TAFA5: variants seen among roughly 807,000 people sequenced by gnomAD.
TAFA5 encodes the protein chemokine-like protein TAFA-5.
TAFA5 carries 6 observed loss-of-function variants against 15.3 expected under a neutral mutation model. The observed-to-expected ratio is 0.39, with a 90% CI of 0.21 to 0.77. The LOEUF (loss-of-function observed/expected upper bound fraction) is 0.77, where lower values mean the gene tolerates loss of function less well. TAFA5 is among the 30% of genes least tolerant of loss of function. TAFA5 has a pLI of 0.41. For synonymous variants in TAFA5, 103 were observed against 80.7 expected, an observed-to-expected ratio of 1.28 and a Z score of -1.48; for missense variants, 161 against 193.1, an observed-to-expected ratio of 0.83 and a Z score of 0.98.
chr22:48,492,812 G>T (rs1431307104), intron 1 of TAFA5, among the ~76,000 whole-genome samples: 12 of 152,228 alleles, frequency 7.9e-5, no homozygotes, highest in Admixed American at 7.9e-4. Context: ...CTTGCATGAT[G>T]ATGAGCTTTG....
intron 3 of TAFA5, among the ~76,000 whole-genome samples, chr22:48,743,078 C>A (rs1569102349): frequency 6.6e-6 from 1 of 152,184 alleles, no homozygotes; most frequent in Non-Finnish European, 1.5e-5. Context: ...GAACAAAATG[C>A]CACACACCCG....
At chr22:48,683,004 T>C (rs1928242916) in intron 2 of TAFA5, among the ~76,000 whole-genome samples, 1 of 152,204 alleles carries the variant, frequency 6.6e-6, no homozygotes, top group African/African-American at 2.4e-5. Context: ...ATGTACTCTA[T>C]TGCATCTTTC....
At chr22:48,740,091 T>G (rs1221402026) in intron 3 of TAFA5, among the ~76,000 whole-genome samples, 3 of 152,144 alleles carry the variant, frequency 2.0e-5, no homozygotes, top group Non-Finnish European at 4.4e-5. Context: ...GGCTTGTCCT[T>G]AATTAGCACA....
At chr22:48,678,761 TAAAA>T (rs58165740) in intron 2 of TAFA5, among the ~76,000 whole-genome samples, 3 of 148,006 alleles carry the variant, frequency 2.0e-5, no homozygotes, top group African/African-American at 7.4e-5. Context: ...AAAACAAAGT[TAAAA>T]AAAAAAAATG....
chr22:48,685,540 A>T (rs1928325865), intron 2 of TAFA5, among the ~76,000 whole-genome samples: 2 of 152,104 alleles, frequency 1.3e-5, no homozygotes, highest in South Asian at 2.1e-4. Context: ...TATTGCCACA[A>T]ATTATCCATG....
intron 3 of TAFA5, among the ~76,000 whole-genome samples, chr22:48,741,990 TTTG>T (rs1423090957): frequency 1.3e-5 from 2 of 152,220 alleles, no homozygotes; most frequent in Non-Finnish European, 2.9e-5. Flanking sequence ...TAAACAGTTT[TTTG>T]TTAAGAACCC....
At chr22:48,679,742 TGGCTCCCCAGCTCCCCGTCCATCCCTCTC>T in intron 2 of TAFA5, among the ~76,000 whole-genome samples, 1 of 54,540 alleles carries the variant, frequency 1.8e-5, no homozygotes, top group African/African-American at 9.1e-5. Context: ...ATCCCTCTCC[TGGCTCCCCAGCTCCCCGTCCATCCCTCTC>T]CCGGCTCCCT....
chr22:48,493,840 T>C (rs562480172), intron 1 of TAFA5, among the ~76,000 whole-genome samples: 1 of 152,326 alleles, frequency 6.6e-6, no homozygotes, highest in Non-Finnish European at 1.5e-5. Flanking sequence ...GGGAAGGGAC[T>C]TCCCAGCGGC....
intron 3 of TAFA5, among the ~76,000 whole-genome samples, chr22:48,749,361 CAGGGG>C (rs958763269): frequency 3.3e-5 from 5 of 152,156 alleles, no homozygotes; most frequent in Non-Finnish European, 7.4e-5. Flanking sequence ...CGTGGATGGC[CAGGGG>C]AGGGTGGCTC....
Position 48,630,923 on chromosome 22 carries a change from C to T in TAFA5, c.113-15674C>T, listed in dbSNP as rs549324390. On this transcript the variant is annotated intron_variant, in intron 1 of 3. Transcript: ENST00000402357. The stretch of plus-strand genomic sequence containing the variant: ...CAGGGGCACCTGCATGGGGGGAGCC[C>T]GGCGTGCGTGCTGGCTCTGGGATGC... 5.8e-4 allele frequency among the ~76,000 whole-genome samples: 89 copies of T among 152,148 alleles called. No homozygotes were observed. The Middle Eastern group carries it at 0.01, about 17-fold the overall frequency.
rs1255071455 is a variant in TAFA5, at chr22:48,560,484, G to A, written c.112+70780G>A. Among the ~76,000 whole-genome samples, 4 of 152,224 alleles carry A rather than the reference G, an allele frequency of 2.6e-5. No individual in the cohort carries two copies. The highest frequency in any genetic ancestry group is 9.7e-5 in the African/African-American group (4 of 41,448). ...AGGACAGTGCCAGCAGGCGCCCCCA[G>A]TGTGAACTAATGTGAGGTGCTTTCA... On this transcript the variant is annotated intron_variant, in intron 1 of 3. Transcript: ENST00000402357. This position sits in a 1 kb window ranked among gnomAD's most constrained non-coding sequence, Gnocchi z 4.2.
At chr22:48,684,921 A>G (rs1449934290) in intron 2 of TAFA5, among the ~76,000 whole-genome samples, 2 of 152,212 alleles carry the variant, frequency 1.3e-5, no homozygotes, top group African/African-American at 4.8e-5. Flanking sequence ...ACTCTGTAAA[A>G]TATTTAAGGA....
At chr22:48,558,656 C>T (rs958725576) in intron 1 of TAFA5, among the ~76,000 whole-genome samples, 1 of 152,194 alleles carries the variant, frequency 6.6e-6, no homozygotes, top group Admixed American at 6.5e-5. Context: ...CAGTATCTTC[C>T]GGGCGTGGCC....
chr22:48,688,981 G>A (rs1418278883), intron 2 of TAFA5, among the ~76,000 whole-genome samples: 1 of 120,750 alleles, frequency 8.3e-6, no homozygotes, highest in Non-Finnish European at 1.6e-5. Context: ...GACAGAGCAA[G>A]ACTTGTCTCG....
chr22:48,507,384 G>C (rs1921037305), intron 1 of TAFA5, among the ~76,000 whole-genome samples: 1 of 152,204 alleles, frequency 6.6e-6, no homozygotes, highest in Non-Finnish European at 1.5e-5. Context: ...TTGAAGCCCT[G>C]GTCCTTCCAG....
intron 1 of TAFA5, among the ~76,000 whole-genome samples, chr22:48,620,673 C>CACCAT (rs1311364048): frequency 7.2e-6 from 1 of 139,730 alleles, no homozygotes; most frequent in Non-Finnish European, 1.6e-5. Context: ...ATCCACCACC[C>CACCAT]CCACATCCAT....
At chr22:48,658,170 G>A (rs914456868) in intron 2 of TAFA5, among the ~76,000 whole-genome samples, 2 of 151,016 alleles carry the variant, frequency 1.3e-5, no homozygotes, top group Non-Finnish European at 3.0e-5. Flanking sequence ...CCTGATGCCA[G>A]AGGACCTTGA....
intron 3 of TAFA5, among the ~76,000 whole-genome samples, chr22:48,730,409 G>C (rs962057743): frequency 3.3e-5 from 5 of 151,946 alleles, no homozygotes; most frequent in Non-Finnish European, 5.9e-5. Context: ...AGAAAGAAAA[G>C]GCCACATGCA....
intron 3 of TAFA5, among the ~76,000 whole-genome samples, chr22:48,748,540 G>A (rs1569104518): frequency 6.6e-6 from 1 of 152,238 alleles, no homozygotes; most frequent in Non-Finnish European, 1.5e-5. Flanking sequence ...TGTCTCAAAG[G>A]TGTGCCATGG....
Sources: gnomAD v4.1 joint callset for allele counts (sites outside exome capture counted in the v4.1 genomes callset) on GRCh38, gnomAD v4.1.1 for gene constraint, Gnocchi (gnomAD v3.1) non-coding constraint, MANE v1.5 for transcripts, NCBI Gene and HGNC (gene_info 2026-07-23, HGNC 2026-07-21) for gene names.